Variants in GBF1 observed in about 807,000 individuals in gnomAD.
GBF1 encodes golgi brefeldin A resistant guanine nucleotide exchange factor 1.
A neutral mutation model predicts 210.5 loss-of-function variants in GBF1; 114 were observed. The observed-to-expected ratio is 0.54, with a 90% confidence interval of 0.47 to 0.63. The LOEUF (loss-of-function observed/expected upper bound fraction) is 0.63. Among genes scored for constraint, GBF1 ranks in the 30% least tolerant of loss-of-function variants. The probability of loss-of-function intolerance (pLI) is 0.00; values close to 1 mark genes in which losing one functional copy is unlikely to be tolerated. For missense variants in GBF1, 1,851 were observed against 2,357.7 expected, an observed-to-expected ratio of 0.79 and a Z score of 4.45; for synonymous variants, 850 against 889.2, an observed-to-expected ratio of 0.96 and a Z score of 0.78.
intron 3 of GBF1, among the ~76,000 whole-genome samples, chr10:102,274,944 T>C (rs532934400): frequency 9.9e-5 from 15 of 151,638 alleles, no homozygotes; most frequent in African/African-American, 2.9e-4. Context: ...ACTCCCAACC[T>C]CAGGTGATCT....
Position 102,327,580 on chromosome 10 carries a change from G to A in GBF1, c.164-16471G>A, listed in dbSNP as rs1049992733. On this transcript the variant is annotated intron_variant, in intron 3 of 39. Coordinates refer to ENST00000369983, the MANE Select transcript of GBF1 (RefSeq NM_001377137.1). ...TCTGGCGGCCCTCCTCTCTTTCTAGGAATCATTCTTGTTTCTATTCTTATT... is the reference window on the plus strand; with the variant it reads ...TCTGGCGGCCCTCCTCTCTTTCTAGAAATCATTCTTGTTTCTATTCTTATT... 5.6e-4 allele frequency among the ~76,000 whole-genome samples: 85 copies of A among 152,084 alleles called. 1 individual carries two copies. Among genetic ancestry groups the A allele is most frequent in the Non-Finnish European group, 2.2e-4 (15 of 68,018 alleles).
chr10:102,259,690 C>A (rs10736156), intron 2 of GBF1, among the ~76,000 whole-genome samples: 134,103 of 152,224 alleles, frequency 0.88, 59,294 homozygotes, highest in African/African-American at 0.96. Flanking sequence ...TAAAAGTGAG[C>A]ATGGCATCAG....
At chr10:102,381,278 GATAGGC>G in intron 39 of GBF1, 23 bp downstream of exon 39, 1 of 1,612,230 alleles carries the variant, frequency 6.2e-7, no homozygotes, top group Non-Finnish European at 8.5e-7. Flanking sequence ...AGCCTAGCCT[GATAGGC>G]ACTGAGTAGC....
At chr10:102,258,809 A>G in intron 1 of GBF1, 120 bp from the exon 2 acceptor site, 1 of 604,022 alleles carries the variant, frequency 1.7e-6, no homozygotes, top group East Asian at 2.8e-5. Context: ...GAAAGAAAGA[A>G]AATCTTGGTA....
chr10:102,350,024 G>A (rs1220109483), intron 4 of GBF1, among the ~76,000 whole-genome samples: 4 of 151,948 alleles, frequency 2.6e-5, no homozygotes, highest in African/African-American at 7.3e-5. Context: ...CTTGCTCGTC[G>A]TCATATTATT....
intron 3 of GBF1, among the ~76,000 whole-genome samples, chr10:102,273,663 G>GC (rs1039881923): frequency 2.0e-5 from 3 of 152,194 alleles, no homozygotes; most frequent in African/African-American, 7.2e-5. Flanking sequence ...AGGCACCTTA[G>GC]CCCCCTTGAC....
At chr10:102,310,848 C>A (rs1193175094) in intron 3 of GBF1, among the ~76,000 whole-genome samples, 1 of 152,190 alleles carries the variant, frequency 6.6e-6, no homozygotes, top group Non-Finnish European at 1.5e-5. Flanking sequence ...ACATTTATAG[C>A]TGATTGAACT....
chr10:102,343,992 T>C (rs1472176841), intron 3 of GBF1, 59 bp from the exon 4 acceptor site: 3 of 1,495,070 alleles, frequency 2.0e-6, no homozygotes, highest in Non-Finnish European at 2.8e-6. Context: ...AAGAAACTTT[T>C]TCCAGGGTTT....
At chr10:102,359,783 T>C (rs1311558593) in intron 11 of GBF1, among the ~76,000 whole-genome samples, 2 of 151,362 alleles carry the variant, frequency 1.3e-5, no homozygotes, top group Non-Finnish European at 3.0e-5. Flanking sequence ...TTTTCCTTTT[T>C]TTTTTTTTTT....
intron 4 of GBF1, among the ~76,000 whole-genome samples, chr10:102,345,281 CAAA>C (rs200940534): frequency 7.1e-5 from 7 of 98,528 alleles, no homozygotes; most frequent in Non-Finnish European, 1.2e-4. Flanking sequence ...GACTCTGTCT[CAAA>C]AAAAAAAAAA....
intron 29 of GBF1, among the ~76,000 whole-genome samples, chr10:102,373,248 C>G (rs1026628891): frequency 6.6e-6 from 1 of 152,158 alleles, no homozygotes; most frequent in Non-Finnish European, 1.5e-5. Flanking sequence ...CAGATAGGCA[C>G]ATGAAATGAA....
At chr10:102,303,050 C>T (rs557443929) in intron 3 of GBF1, among the ~76,000 whole-genome samples, 7 of 142,340 alleles carry the variant, frequency 4.9e-5, no homozygotes, top group African/African-American at 1.3e-4. Context: ...TGCAGTGGTA[C>T]GATGTCAACT....
At position 102,368,374 on chromosome 10, in the gene GBF1, C is replaced by T; in HGVS notation, c.2799C>T (p.Gly933=). ...TTGACCTCTTCACCATGACCTGGGGCCCCACTATTGCTGCTCTCTCTTATG... is the reference window on the plus strand; with the variant it reads ...TTGACCTCTTCACCATGACCTGGGGTCCCACTATTGCTGCTCTCTCTTATG... ...YDLDLFTMTW[G]PTIAALSYVF... Residue 933 remains glycine, a synonymous_variant, in exon 22 of 40, where the codon GGC becomes GGT. Coordinates refer to ENST00000369983, the MANE Select transcript of GBF1 (RefSeq NM_001377137.1). 2.5e-6 allele frequency: 4 copies of T among 1,613,890 alleles called. No homozygotes were observed. The highest frequency in any genetic ancestry group is 3.4e-6 in the Non-Finnish European group (4 of 1,179,740).
intron 3 of GBF1, among the ~76,000 whole-genome samples, chr10:102,260,473 CTTCTTT>C (rs1310528928): frequency 5.3e-5 from 4 of 74,794 alleles, no homozygotes; most frequent in South Asian, 3.8e-4. Flanking sequence ...ATTTTCCTTT[CTTCTTT>C]TTTTTTTTTT....
intron 1 of GBF1, among the ~76,000 whole-genome samples, chr10:102,257,674 C>G (rs1407623575): frequency 6.6e-6 from 1 of 152,166 alleles, no homozygotes; most frequent in Non-Finnish European, 1.5e-5. Flanking sequence ...ATGCTTCCAA[C>G]AACCTTTATT....
intron 3 of GBF1, among the ~76,000 whole-genome samples, chr10:102,325,609 C>T (rs750770658): frequency 5.0e-4 from 76 of 151,088 alleles, no homozygotes; most frequent in African/African-American, 1.1e-3. Flanking sequence ...TTTCCTTGCC[C>T]GTCTCATACT....
intron 4 of GBF1, among the ~76,000 whole-genome samples, chr10:102,344,632 C>T (rs767303066): frequency 2.6e-5 from 4 of 151,988 alleles, no homozygotes; most frequent in Non-Finnish European, 4.4e-5. Context: ...AGGCGCCCAC[C>T]ACCACGCCCA....
At chr10:102,318,630 T>C (rs560526461) in intron 3 of GBF1, among the ~76,000 whole-genome samples, 19 of 152,314 alleles carry the variant, frequency 1.2e-4, no homozygotes, top group Middle Eastern at 3.4e-3. Flanking sequence ...AGGTAATACA[T>C]GTACATAGTT....
chr10:102,231,875 G>A, the GBF1 span: 1 of 1,564,924 alleles, frequency 6.4e-7, no homozygotes, highest in South Asian at 1.1e-5. Flanking sequence ...CCACTCGCTG[G>A]CTCCCACCGG....
Sources: allele counts gnomAD v4.1 joint callset (sites outside exome capture counted in the v4.1 genomes callset), GRCh38; gene constraint gnomAD v4.1.1; transcripts MANE v1.5; gene names NCBI Gene and HGNC (gene_info 2026-07-23, HGNC 2026-07-21).